The following ATAD2 variants were observed in gnomAD, a reference collection of about 807,000 sequenced individuals.
The protein encoded by ATAD2 is ATPase family AAA domain containing 2.
A neutral mutation model predicts 168.9 loss-of-function variants in ATAD2; 62 were observed. The ratio of observed to expected loss-of-function variants is 0.37; its 90% confidence interval spans 0.30 to 0.45. The LOEUF is 0.45. Among genes scored for constraint, ATAD2 ranks in the 20% least tolerant of loss-of-function variants. The probability of loss-of-function intolerance (pLI) is 1.00; values close to 1 mark genes in which losing one functional copy is unlikely to be tolerated. For missense variants in ATAD2, 1,419 were observed against 1,667.8 expected (o/e 0.85, Z 2.60); for synonymous variants, 613 against 571.6 (o/e 1.07, Z -1.03).
intron 1 of ATAD2, among the ~76,000 whole-genome samples, chr8:123,392,950 C>A (rs558598105): frequency 4.6e-5 from 7 of 151,862 alleles, no homozygotes; most frequent in African/African-American, 1.7e-4. Flanking sequence ...TTTGGGAGGC[C>A]GAGGAGGGCG....
rs1011260163 is a variant in ATAD2, at chr8:123,396,275, A to C, written c.83T>G (p.Phe28Cys). ...ATGSLDLSSD[F>C]LSLEHIGRRR... ...CCGGCCGATGTGCTCCAGACTGAGGAAGTCACTGGACAGGTCCAAGGAGCC... is the reference window on the plus strand; with the variant it reads ...CCGGCCGATGTGCTCCAGACTGAGGCAGTCACTGGACAGGTCCAAGGAGCC... Residue 28 changes from phenylalanine to cysteine, a missense_variant, in exon 1 of 28, where the codon TTC becomes TGC. By Grantham distance (205) the Phe-to-Cys change is radical. Transcript: ENST00000287394. 6.2e-7 allele frequency: 1 copy of C among 1,611,466 alleles called. No homozygotes were observed. Among genetic ancestry groups the C allele is most frequent in the Non-Finnish European group, 8.5e-7 (1 of 1,179,648 alleles).
intron 1 of ATAD2, among the ~76,000 whole-genome samples, chr8:123,390,048 G>A (rs1175314357): frequency 2.8e-5 from 4 of 144,050 alleles, no homozygotes; most frequent in African/African-American, 7.7e-5. Flanking sequence ...GCGCAATCTC[G>A]GCTCACTGCA....
intron 17 of ATAD2, 67 bp downstream of exon 17, chr8:123,346,551 A>T: frequency 7.3e-7 from 1 of 1,370,772 alleles, no homozygotes; most frequent in Non-Finnish European, 9.8e-7. Flanking sequence ...TATTTTTTCA[A>T]CCACATCTCA....
upstream of ATAD2, chr8:123,396,528 G>A (rs4870849): frequency 0.99 from 644,904 of 650,780 alleles, 319,549 homozygotes; most frequent in East Asian, 1. Context: ...CGCCACCACC[G>A]TAGAACAGCA....
intron 19 of ATAD2, among the ~76,000 whole-genome samples, chr8:123,339,762 G>A (rs1563838293): frequency 6.6e-6 from 1 of 152,072 alleles, no homozygotes; most frequent in Admixed American, 6.5e-5. Context: ...TTTTAAACAA[G>A]TCTTTAAAGA....
rs149325330 is a variant in ATAD2, at chr8:123,358,786, C to T, written c.1382+435G>A. 5.4e-3 allele frequency among the ~76,000 whole-genome samples: 682 copies of T among 127,382 alleles called. 6 individuals carry two copies. Among genetic ancestry groups the T allele is most frequent in the African/African-American group, 0.02 (653 of 32,490 alleles). 83.6% of individuals were successfully genotyped at this position (127,382 alleles called of 152,430 possible). ...TTGCTCTGTCGCCCAGGCTGGAATG[C>T]GGTGGCCCAATCTCAGCTCACTGCA... On this transcript the variant is annotated intron_variant, in intron 11 of 27. Transcript: ENST00000287394.
intron 24 of ATAD2, 88 bp downstream of exon 24, chr8:123,333,790 C>T: frequency 7.3e-7 from 1 of 1,375,584 alleles, no homozygotes; most frequent in Non-Finnish European, 9.7e-7. Context: ...TGCATTAACA[C>T]AAATAAAGGA....
intron 2 of ATAD2, among the ~76,000 whole-genome samples, chr8:123,373,023 G>A (rs538899127): frequency 2.1e-4 from 32 of 151,740 alleles, no homozygotes; most frequent in African/African-American, 7.7e-4. Context: ...TTCCCGAATA[G>A]TTGGGACTAT....
chr8:123,347,991 A>G (rs763285568), intron 15 of ATAD2, 192 bp downstream of exon 15: 6 of 635,678 alleles, frequency 9.4e-6, no homozygotes, highest in Admixed American at 2.7e-5. Context: ...TGAGAAGAAA[A>G]TGCCACAAAT....
chr8:123,406,816 CAAAAAA>C (rs61473512), intron 1 of ATAD2, among the ~76,000 whole-genome samples: 8 of 134,660 alleles, frequency 5.9e-5, no homozygotes, highest in Admixed American at 7.5e-5. Context: ...GACCCTGTCT[CAAAAAA>C]AAAAAAAAAA....
intron 8 of ATAD2, among the ~76,000 whole-genome samples, chr8:123,367,468 C>G (rs1187224196): frequency 3.9e-5 from 6 of 151,968 alleles, no homozygotes; most frequent in Admixed American, 3.9e-4. Context: ...CTGCCACCCT[C>G]TTAGTACTGC....
At chr8:123,361,793 C>T (rs1228996326) in intron 8 of ATAD2, 147 bp from the exon 9 acceptor site, 3 of 555,364 alleles carry the variant, frequency 5.4e-6, no homozygotes, top group Middle Eastern at 4.6e-4. Context: ...ACTTTGTTCG[C>T]TGAATCTTTC....
chr8:123,414,494 C>A (rs118129796), intron 1 of ATAD2, among the ~76,000 whole-genome samples: 1 of 152,104 alleles, frequency 6.6e-6, no homozygotes, highest in Non-Finnish European at 1.5e-5. Flanking sequence ...CACGGTGGTG[C>A]GTGCCTGCAG....
rs147721099 is a variant in ATAD2, at chr8:123,370,162, A to C, written c.728-138T>G. The C allele has an allele frequency of 7.1e-4, 548 of 776,270 alleles. 1 individual carries two copies. The African/African-American group carries it at 7.8e-3, about 11-fold the overall frequency. 48.1% of individuals were successfully genotyped at this position (776,270 alleles called of 1,614,324 possible). On this transcript the variant is annotated intron_variant, in intron 6 of 27. Transcript: ENST00000287394. Reference sequence around the variant, plus strand: ...AAAAAAAAAAAAACAACAAAAAAAAACCAAACTTATCTACTCCTAGATTGT... The same window carrying C: ...AAAAAAAAAAAAACAACAAAAAAAACCCAAACTTATCTACTCCTAGATTGT...
In ATAD2 at chr8:123,337,783, G is replaced by A. The variant is rs1226674276; in HGVS notation, c.2893C>T (p.Pro965Ser). The change falls in exon 21 of 28, where the codon CCT (proline) becomes TCT (serine). Residue 965 changes from proline (P) to serine (S), a missense_variant. Physicochemically the swap from Pro to Ser is moderately conservative, Grantham distance 74. Transcript: ENST00000287394. ...TCTGCTGTCAGTGATCTTGGCTCAG[G>A]TGGTGGTGCTACTGGGAGTACCTCC... ...ALEVLPVAPP[P>S]EPRSLTAEEV... The A allele has an allele frequency of 6.2e-7, 1 of 1,611,768 alleles. No individual in the cohort carries two copies. The highest frequency in any genetic ancestry group is 2.2e-5 in the East Asian group (1 of 44,722).
upstream of ATAD2, among the ~76,000 whole-genome samples, chr8:123,399,260 C>CAA (rs71573678): frequency 1.0e-4 from 11 of 108,410 alleles, no homozygotes; most frequent in Non-Finnish European, 1.2e-4. Context: ...GACTCCGTCT[C>CAA]AAAAAAAAAA....
chr8:123,393,036 T>A (rs778264489), intron 1 of ATAD2, among the ~76,000 whole-genome samples: 2 of 151,952 alleles, frequency 1.3e-5, no homozygotes, highest in African/African-American at 2.4e-5. Context: ...TACAAAAAAT[T>A]AGCCAGGCGT....
chr8:123,369,068 G>T lies in ATAD2; in HGVS notation c.1039C>A (p.Arg347=). The T allele has an allele frequency of 1.3e-6, 2 of 1,573,758 alleles. No individual in the cohort carries two copies. Among genetic ancestry groups the T allele is most frequent in the Non-Finnish European group, 8.7e-7 (1 of 1,150,452 alleles). ...ATATCAGAACCAAACCTGTTCATTC[G>T]TTTACAGTAAGGACTTCTTGGTCCT... ...SAGPRSPYCK[R]MNRRRHAIHS... The change falls in exon 8 of 28, where the codon CGA becomes AGA. Residue 347 remains arginine, a synonymous_variant. Coordinates refer to ENST00000287394, the MANE Select transcript of ATAD2 (RefSeq NM_014109.4).
chr8:123,355,124 A>C (rs1828600067), intron 13 of ATAD2, among the ~76,000 whole-genome samples: 1 of 151,904 alleles, frequency 6.6e-6, no homozygotes, highest in Non-Finnish European at 1.5e-5. Context: ...CAGAGACAAA[A>C]CTACTTTTAC....
Sources: gnomAD v4.1 joint callset for allele counts (sites outside exome capture counted in the v4.1 genomes callset) on GRCh38, gnomAD v4.1.1 for gene constraint, MANE v1.5 for transcripts, NCBI Gene and HGNC (gene_info 2026-07-23, HGNC 2026-07-21) for gene names.